The following LINGO2 variants were observed in gnomAD, a reference collection of about 807,000 sequenced individuals.
The protein encoded by LINGO2 is leucine-rich repeat and immunoglobulin-like domain-containing nogo receptor-interacting protein 2.
Under a neutral mutation model 30.6 loss-of-function variants are expected in LINGO2, and 14 were observed. That is an observed-to-expected ratio of 0.46 (90% CI 0.30 to 0.72). The LOEUF (loss-of-function observed/expected upper bound fraction) is 0.72. LINGO2 is among the 30% of genes least tolerant of loss of function. LINGO2 has a pLI of 0.07. For missense variants in LINGO2, 729 were observed against 751.7 expected, an observed-to-expected ratio of 0.97 and a Z score of 0.35; for synonymous variants, 317 against 288.5, an observed-to-expected ratio of 1.10 and a Z score of -1.00.
the LINGO2 span, among the ~76,000 whole-genome samples, chr9:29,039,738 G>C: frequency 1.3e-5 from 2 of 152,106 alleles, no homozygotes; most frequent in African/African-American, 4.8e-5. Flanking sequence ...GGTTTTCTAA[G>C]CATGCCTGGC....
chr9:28,225,747 C>G (rs1468964016), intron 4 of LINGO2, among the ~76,000 whole-genome samples: 3 of 152,000 alleles, frequency 2.0e-5, no homozygotes, highest in Non-Finnish European at 4.4e-5. Context: ...AATTATAAAG[C>G]TGACCATAAG....
In LINGO2 at chr9:28,216,880, C is replaced by T. The variant is rs998494711; in HGVS notation, c.-87+78328G>A. Among the ~76,000 whole-genome samples, 7 of 151,616 alleles carry T rather than the reference C, an allele frequency of 4.6e-5. No individual in the cohort carries two copies. The East Asian group carries it at 7.7e-4, about 17-fold the overall frequency. On this transcript the variant is annotated intron_variant, in intron 4 of 5. Transcript: ENST00000379992. ...CCATCATATAAAAGAAAAAAGATAT[C>T]GGGTGATATTCAGGTGATATTTTAA...
At chr9:27,989,515 A>C (rs954780626) in intron 5 of LINGO2, among the ~76,000 whole-genome samples, 5 of 151,446 alleles carry the variant, frequency 3.3e-5, no homozygotes, top group African/African-American at 1.2e-4. Context: ...GAACTATAGA[A>C]AGAACTATAT....
chr9:28,859,084 G>C, the LINGO2 span, among the ~76,000 whole-genome samples: 1 of 152,020 alleles, frequency 6.6e-6, no homozygotes, highest in Non-Finnish European at 1.5e-5. Flanking sequence ...TACAAGTAAA[G>C]TACTTGGAAA....
chr9:28,037,270 TATC>T (rs1440057782), intron 4 of LINGO2, among the ~76,000 whole-genome samples: 1 of 152,194 alleles, frequency 6.6e-6, no homozygotes, highest in Non-Finnish European at 1.5e-5. Flanking sequence ...GACTTGGATC[TATC>T]ATCTTACCAG....
chr9:28,942,894 G>A, the LINGO2 span, among the ~76,000 whole-genome samples: 1 of 152,164 alleles, frequency 6.6e-6, no homozygotes, highest in South Asian at 2.1e-4. Flanking sequence ...TGACTAAAAT[G>A]TGATCATTAC....
At chr9:28,203,240 T>C (rs1226086913) in intron 4 of LINGO2, among the ~76,000 whole-genome samples, 1 of 152,208 alleles carries the variant, frequency 6.6e-6, no homozygotes, top group African/African-American at 2.4e-5. Flanking sequence ...TGTTACATAA[T>C]TCATGTAACT....
the LINGO2 span, among the ~76,000 whole-genome samples, chr9:29,163,832 G>A: frequency 6.6e-6 from 1 of 152,078 alleles, no homozygotes; most frequent in Non-Finnish European, 1.5e-5. Flanking sequence ...AGTTTCCAAA[G>A]GTGAATGCAA....
the LINGO2 span, among the ~76,000 whole-genome samples, chr9:28,885,987 G>C: frequency 0.85 from 129,630 of 152,196 alleles, 55,383 homozygotes; most frequent in Non-Finnish European, 0.89. Flanking sequence ...CAACAAGTGA[G>C]AGTAACTATA....
the LINGO2 span, among the ~76,000 whole-genome samples, chr9:29,168,940 A>C: frequency 6.8e-4 from 103 of 151,770 alleles, no homozygotes; most frequent in African/African-American, 2.3e-3. Flanking sequence ...AGGTTTTAAA[A>C]CTCTGGATTT....
chr9:28,928,426 T>C, the LINGO2 span, among the ~76,000 whole-genome samples: 1 of 152,208 alleles, frequency 6.6e-6, no homozygotes, highest in African/African-American at 2.4e-5. Context: ...GTTACGATAG[T>C]TGACCCTTGA....
chr9:28,867,322 A>AT, the LINGO2 span, among the ~76,000 whole-genome samples: 1 of 152,170 alleles, frequency 6.6e-6, no homozygotes, highest in Non-Finnish European at 1.5e-5. Context: ...CCTACTGGTT[A>AT]TTTTTTTCTC....
chr9:28,314,453 C>T (rs1182701739), intron 3 of LINGO2, among the ~76,000 whole-genome samples: 1 of 152,128 alleles, frequency 6.6e-6, no homozygotes, highest in Non-Finnish European at 1.5e-5. Flanking sequence ...CTTCCTTCCA[C>T]CTGTCTCCTG....
At chr9:28,173,058 A>G (rs763136892) in intron 4 of LINGO2, among the ~76,000 whole-genome samples, 6 of 152,294 alleles carry the variant, frequency 3.9e-5, no homozygotes, top group Non-Finnish European at 7.3e-5. Context: ...TGAAGGCTCC[A>G]ATTCAGCAGA....
chr9:29,056,252 G>A, the LINGO2 span, among the ~76,000 whole-genome samples: 1 of 151,854 alleles, frequency 6.6e-6, no homozygotes, highest in Non-Finnish European at 1.5e-5. Context: ...CCATATCCAC[G>A]CCAGCATCTA....
the LINGO2 span, among the ~76,000 whole-genome samples, chr9:28,813,622 C>A: frequency 6.6e-6 from 1 of 152,098 alleles, no homozygotes; most frequent in Admixed American, 6.5e-5. Flanking sequence ...TTGAACAAGG[C>A]AGAAAAGGCC....
chr9:28,729,374 G>C, the LINGO2 span, among the ~76,000 whole-genome samples: 6 of 152,146 alleles, frequency 3.9e-5, no homozygotes, highest in Non-Finnish European at 7.4e-5. Flanking sequence ...CCATACATCT[G>C]AGAAAATTTT....
At chr9:28,786,652 G>A in the LINGO2 span, among the ~76,000 whole-genome samples, 3 of 152,040 alleles carry the variant, frequency 2.0e-5, no homozygotes, top group African/African-American at 7.2e-5. Context: ...TCTCTTCTAT[G>A]CCTACAAAAC....
At chr9:29,154,790 T>C in the LINGO2 span, among the ~76,000 whole-genome samples, 2 of 152,186 alleles carry the variant, frequency 1.3e-5, no homozygotes, top group South Asian at 4.1e-4. Flanking sequence ...GTAGAAAATA[T>C]TTATTTGTAG....
Sources: allele counts gnomAD v4.1 joint callset (sites outside exome capture counted in the v4.1 genomes callset), GRCh38; gene constraint gnomAD v4.1.1; transcripts MANE v1.5; gene names NCBI Gene and HGNC (gene_info 2026-07-23, HGNC 2026-07-21).